DNAJC6: variants seen among roughly 807,000 people sequenced by gnomAD.
DNAJC6 encodes DnaJ heat shock protein family (Hsp40) member C6.
Under a neutral mutation model 110.0 loss-of-function variants are expected in DNAJC6, and 34 were observed. The ratio of observed to expected loss-of-function variants is 0.31; its 90% CI spans 0.24 to 0.41. The LOEUF is 0.41. DNAJC6 is among the 10% of genes least tolerant of loss of function. The pLI is 1.00. For missense variants in DNAJC6, 1,031 were observed against 1,207.8 expected (o/e 0.85, Z 2.17); for synonymous variants, 406 against 437.2 (o/e 0.93, Z 0.89).
intron 13 of DNAJC6, among the ~76,000 whole-genome samples, chr1:65,397,342 C>A (rs1377421162): frequency 6.6e-6 from 1 of 152,184 alleles, no homozygotes; most frequent in Non-Finnish European, 1.5e-5. Flanking sequence ...AAAAAAAATA[C>A]TGCCTTTGGG....
chr1:65,378,413 G>C (rs1246076996), intron 4 of DNAJC6, among the ~76,000 whole-genome samples: 2 of 152,070 alleles, frequency 1.3e-5, no homozygotes, highest in Non-Finnish European at 2.9e-5. Context: ...GATAATAATT[G>C]CCAACATTTA....
At chr1:65,377,056 C>A (rs942958682) in intron 4 of DNAJC6, among the ~76,000 whole-genome samples, 1 of 152,200 alleles carries the variant, frequency 6.6e-6, no homozygotes, top group Non-Finnish European at 1.5e-5. Context: ...AGCCACCACA[C>A]CTGGCCAATT....
intron 17 of DNAJC6, among the ~76,000 whole-genome samples, chr1:65,410,780 G>A (rs1646121116): frequency 6.6e-6 from 1 of 152,202 alleles, no homozygotes; most frequent in South Asian, 2.1e-4. Context: ...TGATATATAA[G>A]AAATAATACT....
chr1:65,322,086 A>C (rs1220424262), intron 1 of DNAJC6, among the ~76,000 whole-genome samples: 1 of 152,210 alleles, frequency 6.6e-6, no homozygotes, highest in Non-Finnish European at 1.5e-5. Context: ...TGGCACACAG[A>C]GGCTGGGAAA....
At position 65,362,729 on chromosome 1, in the gene DNAJC6, C is replaced by T. The variant is rs577694027; in HGVS notation, c.194-1906C>T. ...CAGGAACCCAGGTGAGAATGACTCA[C>T]GCTCTTGACTGCTAGGCCTTAAAGC... On this transcript the variant is annotated intron_variant, in intron 1 of 18. Transcript: ENST00000371069. 3.3e-5 allele frequency among the ~76,000 whole-genome samples: 5 copies of T among 152,284 alleles called. No individual in the cohort carries two copies. The South Asian group carries it at 8.3e-4, about 25-fold the overall frequency.
At chr1:65,265,919 G>C (rs1345959939) in intron 1 of DNAJC6, among the ~76,000 whole-genome samples, 1 of 152,184 alleles carries the variant, frequency 6.6e-6, no homozygotes, top group Non-Finnish European at 1.5e-5. Context: ...GGGTTCGCCG[G>C]CCCCCCTTTC....
intron 4 of DNAJC6, among the ~76,000 whole-genome samples, chr1:65,375,203 C>T (rs1472636852): frequency 6.6e-6 from 1 of 151,992 alleles, no homozygotes; most frequent in Admixed American, 6.6e-5. Flanking sequence ...GACCTCAAGT[C>T]ATCTGCCTGT....
At chr1:65,306,972 TTCTCTC>T (rs144458447), upstream of DNAJC6, among the ~76,000 whole-genome samples, 4,857 of 89,830 alleles carry the variant, frequency 0.054, 158 homozygotes, top group African/African-American at 0.084. Context: ...CTCAATCTGT[TTCTCTC>T]TCTCTCTCTC....
At chr1:65,272,824 G>A (rs488814) in intron 1 of DNAJC6, among the ~76,000 whole-genome samples, 113,169 of 152,136 alleles carry the variant, frequency 0.74, 42,901 homozygotes, top group East Asian at 0.98. Context: ...ACAGGCGTGA[G>A]CCACTCTGCC....
rs72679497 is a variant in DNAJC6 at position 65,402,051 on chromosome 1, G to A, written c.2227+171G>A. On this transcript the variant is annotated intron_variant, in intron 15 of 18. Coordinates refer to ENST00000371069, the MANE Select transcript of DNAJC6 (RefSeq NM_001256864.2). ...GATTGGCTTTTTAAAAAAGGAAAGC[G>A]ATAATCAGATGTGGGGTTAGAAATC... Among the ~76,000 whole-genome samples, 5,091 of 152,294 alleles carry A rather than the reference G, an allele frequency of 0.033. 126 individuals carry two copies. The highest frequency in any genetic ancestry group is 0.054 in the Middle Eastern group (16 of 294).
At chr1:65,289,422 C>T (rs2101220373) in intron 1 of DNAJC6, among the ~76,000 whole-genome samples, 1 of 152,150 alleles carries the variant, frequency 6.6e-6, no homozygotes, top group East Asian at 1.9e-4. Flanking sequence ...GTCTTGATCT[C>T]CTGACTTCTG....
At chr1:65,301,581 T>C (rs1386420567) in intron 1 of DNAJC6, among the ~76,000 whole-genome samples, 2 of 152,088 alleles carry the variant, frequency 1.3e-5, no homozygotes. Context: ...CTCACAGAAC[T>C]CAGGGAAACA....
chr1:65,293,152 C>T (rs1366450480), intron 1 of DNAJC6, among the ~76,000 whole-genome samples: 1 of 152,236 alleles, frequency 6.6e-6, no homozygotes, highest in Non-Finnish European at 1.5e-5. Context: ...ATAAACAACA[C>T]ACACTTATAT....
rs191666372 is a variant in DNAJC6 at position 65,281,998 on chromosome 1, C to T, written c.-131+17066C>T. ...CTGGAGTGCAGTGGCACGAACATGG[C>T]TCACTGCAACCTTGACCTTCTGGGC... On this transcript the variant is annotated intron_variant, in intron 1 of 19. Coordinates refer to the DNAJC6 transcript ENST00000263441. Among the ~76,000 whole-genome samples, 532 of 152,312 alleles carry T rather than the reference C, an allele frequency of 3.5e-3. 3 individuals carry two copies. The highest frequency in any genetic ancestry group is 0.012 in the African/African-American group (516 of 41,574).
At chr1:65,328,816 A>C (rs1281983783) in intron 1 of DNAJC6, among the ~76,000 whole-genome samples, 2 of 152,072 alleles carry the variant, frequency 1.3e-5, no homozygotes, top group African/African-American at 4.8e-5. Context: ...GCATTTTATA[A>C]TTCTCCACCC....
At chr1:65,404,097 A>G (rs1646053715) in intron 15 of DNAJC6, among the ~76,000 whole-genome samples, 2 of 152,220 alleles carry the variant, frequency 1.3e-5, no homozygotes, top group Non-Finnish European at 2.9e-5. Context: ...TTTTAGGTGT[A>G]TGTTCCCGTG....
At chr1:65,307,102 G>A (rs574862684), upstream of DNAJC6, among the ~76,000 whole-genome samples, 1 of 148,920 alleles carries the variant, frequency 6.7e-6, no homozygotes, top group African/African-American at 2.5e-5. Context: ...TTGTTTTATA[G>A]AGTAGAACAG....
intron 1 of DNAJC6, among the ~76,000 whole-genome samples, chr1:65,357,720 A>C (rs1570873): frequency 1.7e-3 from 259 of 152,278 alleles, no homozygotes; most frequent in African/African-American, 6.1e-3. Flanking sequence ...TGTTGGCAGC[A>C]TTTGCCTGCC....
chr1:65,292,148 C>G (rs979369623), intron 1 of DNAJC6, among the ~76,000 whole-genome samples: 2 of 152,060 alleles, frequency 1.3e-5, no homozygotes, highest in African/African-American at 2.4e-5. Context: ...TCCCGAGTAG[C>G]TGGGATTACA....
Sources: allele counts gnomAD v4.1 joint callset (sites outside exome capture counted in the v4.1 genomes callset), GRCh38; gene constraint gnomAD v4.1.1; transcripts MANE v1.5; gene names NCBI Gene and HGNC (gene_info 2026-07-23, HGNC 2026-07-21).